The following DGKI variants were observed in gnomAD, a reference collection of about 807,000 sequenced individuals.
DGKI encodes DAG kinase iota.
Under a neutral mutation model 147.5 loss-of-function variants are expected in DGKI, and 55 were observed. The ratio of observed to expected loss-of-function variants is 0.37; its 90% CI spans 0.30 to 0.47. The LOEUF is 0.47. Ranked by LOEUF, DGKI falls within the 20% of genes least tolerant of loss-of-function variation. DGKI has a pLI of 1.00. For missense variants in DGKI, 1,007 were observed against 1,323.8 expected, an observed-to-expected ratio of 0.76 and a Z score of 3.71; for synonymous variants, 469 against 477.1, an observed-to-expected ratio of 0.98 and a Z score of 0.22.
chr7:137,583,333 C>G (rs930663323), intron 14 of DGKI, among the ~76,000 whole-genome samples: 10 of 152,100 alleles, frequency 6.6e-5, no homozygotes, highest in Non-Finnish European at 1.2e-4. Flanking sequence ...TATCCAGTTC[C>G]TGCACTTAAA....
intron 19 of DGKI, among the ~76,000 whole-genome samples, chr7:137,555,009 C>T (rs1350682663): frequency 1.3e-5 from 2 of 150,036 alleles, no homozygotes; most frequent in African/African-American, 2.5e-5. Context: ...CTCCACCTCC[C>T]GGGTTCAAGT....
At chr7:137,725,879 C>T (rs768107529) in intron 1 of DGKI, among the ~76,000 whole-genome samples, 8 of 152,170 alleles carry the variant, frequency 5.3e-5, no homozygotes, top group Non-Finnish European at 1.2e-4. Flanking sequence ...TTAGACCCAA[C>T]GTGATTTCTT....
chr7:137,452,913 T>C (rs2128921371), intron 27 of DGKI: 1 of 152,414 alleles, frequency 6.6e-6, no homozygotes, highest in South Asian at 2.1e-4. Context: ...AGAATGTTCA[T>C]GCCTGGTCAG....
intron 21 of DGKI, among the ~76,000 whole-genome samples, chr7:137,491,529 T>A (rs925358525): frequency 6.6e-6 from 1 of 152,244 alleles, no homozygotes; most frequent in Non-Finnish European, 1.5e-5. Flanking sequence ...TTTATAAGTT[T>A]AATGTTAATC....
intron 1 of DGKI, chr7:137,722,274 T>C: frequency 6.2e-7 from 1 of 1,609,884 alleles, no homozygotes; most frequent in Non-Finnish European, 8.5e-7. Flanking sequence ...CAAAACCAGT[T>C]GGTGGTGACA....
intron 1 of DGKI, among the ~76,000 whole-genome samples, chr7:137,769,331 G>A (rs1430362365): frequency 6.6e-6 from 1 of 152,204 alleles, no homozygotes; most frequent in East Asian, 1.9e-4. Flanking sequence ...AGCTATCTGA[G>A]TCAAAGAAAT....
At chr7:137,541,059 C>T (rs1817684620) in intron 20 of DGKI, among the ~76,000 whole-genome samples, 1 of 151,968 alleles carries the variant, frequency 6.6e-6, no homozygotes, top group Non-Finnish European at 1.5e-5. Context: ...TATGGAAAGA[C>T]AAAGGAACTC....
chr7:137,620,265 A>G (rs900593471), intron 7 of DGKI, among the ~76,000 whole-genome samples: 1 of 152,192 alleles, frequency 6.6e-6, no homozygotes, highest in Non-Finnish European at 1.5e-5. Context: ...TAATCGTTGC[A>G]TGGAATATTT....
chr7:137,545,855 C>T (rs748772156), intron 20 of DGKI: 17 of 691,872 alleles, frequency 2.5e-5, no homozygotes, highest in Admixed American at 1.6e-4. Flanking sequence ...CCTGAGGAGA[C>T]GAGGCTGGGG....
chr7:137,622,244 T>C (rs1207678766), intron 7 of DGKI, among the ~76,000 whole-genome samples: 1 of 152,140 alleles, frequency 6.6e-6, no homozygotes, highest in Non-Finnish European at 1.5e-5. Flanking sequence ...AAAATATAAA[T>C]GGTTTTGACC....
At position 137,640,206 on chromosome 7, in the gene DGKI, G is replaced by A. The variant is rs568642529; in HGVS notation, c.804+5266C>T. Among the ~76,000 whole-genome samples, 190 of 152,068 alleles carry A rather than the reference G, an allele frequency of 1.2e-3. 3 individuals are homozygous for A. Among genetic ancestry groups the A allele is most frequent in the South Asian group, 1.5e-3 (7 of 4,810 alleles). ...TCCCCCTCCCAGGACGAATCTATAG[G>A]ATATTACACTGAAGTGAAATAAGAC... is the stretch of plus-strand genomic sequence containing the variant. On this transcript the variant is annotated intron_variant, in intron 6 of 32. Transcript: ENST00000614521.
intron 12 of DGKI, among the ~76,000 whole-genome samples, chr7:137,592,359 T>G (rs928930164): frequency 6.6e-6 from 1 of 152,198 alleles, no homozygotes; most frequent in Non-Finnish European, 1.5e-5. Flanking sequence ...GCAAAGTTCT[T>G]TCCTTCCTTC....
chr7:137,710,096 A>G (rs1292311928), intron 1 of DGKI, among the ~76,000 whole-genome samples: 1 of 152,100 alleles, frequency 6.6e-6, no homozygotes, highest in Non-Finnish European at 1.5e-5. Flanking sequence ...TGAAGAGAGA[A>G]TTGGGTACAG....
chr7:137,697,273 A>G (rs1823822642), intron 1 of DGKI, among the ~76,000 whole-genome samples: 1 of 152,206 alleles, frequency 6.6e-6, no homozygotes, highest in Non-Finnish European at 1.5e-5. Context: ...AGTTGCCCCC[A>G]TGAAACCTTG....
intron 1 of DGKI, among the ~76,000 whole-genome samples, chr7:137,753,465 CT>C (rs1325126094): frequency 2.0e-5 from 3 of 152,150 alleles, no homozygotes; most frequent in Admixed American, 2.0e-4. Context: ...CGCTCTATCC[CT>C]AAGGAATCAA....
chr7:137,571,642 G>A (rs111710134), intron 18 of DGKI, among the ~76,000 whole-genome samples: 1 of 152,250 alleles, frequency 6.6e-6, no homozygotes, highest in African/African-American at 2.4e-5. Context: ...CATGCCAGTA[G>A]AAAAGAGACA....
At position 137,463,509 on chromosome 7, in the gene DGKI, G is replaced by A. The variant is rs1297109794; in HGVS notation, c.2715C>T (p.Leu905=). 7 of 1,614,024 alleles carry A rather than the reference G, an allele frequency of 4.3e-6. No homozygotes were observed. In the South Asian group the frequency reaches 4.4e-5, roughly 10 times the overall value. The part of the protein sequence containing the change: ...PYYEDSDLKD[L]SHSRVLQSPV... ...CTTACTGTAGCACGCGGGAGTGGCT[G>A]AGATCTTTCAGATCTGAGTCCTCAT... Residue 905 remains leucine (L), a synonymous_variant, in exon 27 of 33, where the codon CTC becomes CTT. Coordinates refer to ENST00000614521, the MANE Select transcript of DGKI (RefSeq NM_001321708.2).
rs1189262783 is a variant in DGKI at position 137,386,011 on chromosome 7, C to T, written c.*5209G>A. 6.6e-6 allele frequency: 1 copy of T among 152,124 alleles called. No homozygotes were observed. The highest frequency in any genetic ancestry group is 1.9e-4 in the East Asian group (1 of 5,204). 9.4% of individuals were successfully genotyped at this position (152,124 alleles called of 1,614,324 possible). A position where few individuals can be genotyped will look rare whatever the true frequency, so the allele number is the denominator to read the frequency against. On this transcript the variant is annotated 3_prime_UTR_variant, in exon 33 of 33. Transcript: ENST00000614521. ...ATATTTTTCAAATAATGATTAAATA[C>T]ATGCACTTATGATTGATTCATGGAC...
chr7:137,487,267 A>AAT (rs1815598808), intron 22 of DGKI, among the ~76,000 whole-genome samples: 1 of 152,200 alleles, frequency 6.6e-6, no homozygotes, highest in South Asian at 2.1e-4. Flanking sequence ...CAAAACATTA[A>AAT]ATATCACTGT....
Sources: allele counts gnomAD v4.1 joint callset (sites outside exome capture counted in the v4.1 genomes callset), GRCh38; gene constraint gnomAD v4.1.1; transcripts MANE v1.5; gene names NCBI Gene and HGNC (gene_info 2026-07-23, HGNC 2026-07-21).